Variants in LMNTD1 observed in about 807,000 individuals in gnomAD.
LMNTD1 encodes lamin tail domain-containing protein 1.
Under a neutral mutation model 50.9 loss-of-function variants are expected in LMNTD1, and 35 were observed. The ratio of observed to expected loss-of-function variants is 0.69; its 90% CI spans 0.53 to 0.91. The LOEUF (loss-of-function observed/expected upper bound fraction) is 0.91, where lower values mean the gene tolerates loss of function less well. Among genes scored for constraint, LMNTD1 ranks in the 40% least tolerant of loss-of-function variants. LMNTD1 has a pLI of 0.00. For missense variants in LMNTD1, 470 were observed against 475.5 expected, an observed-to-expected ratio of 0.99 and a Z score of 0.11; for synonymous variants, 153 against 161.9, an observed-to-expected ratio of 0.94 and a Z score of 0.42.
chr12:25,607,959 G>A (rs1946151694), intron 1 of LMNTD1, among the ~76,000 whole-genome samples: 2 of 152,166 alleles, frequency 1.3e-5, no homozygotes, highest in Admixed American at 6.5e-5. Flanking sequence ...TTATTATTGT[G>A]TGGGAGTCTA....
At chr12:25,603,945 T>C (rs1405203554) in intron 1 of LMNTD1, among the ~76,000 whole-genome samples, 4 of 134,888 alleles carry the variant, frequency 3.0e-5, no homozygotes, top group African/African-American at 5.0e-5. Context: ...CATACGAATA[T>C]TGGGGGGGAA....
Position 25,616,415 on chromosome 12 carries a change from A to G in LMNTD1, c.58+32079T>C, listed in dbSNP as rs1482619789. 2.0e-5 allele frequency among the ~76,000 whole-genome samples: 3 copies of G among 152,206 alleles called. No homozygotes were observed. In the East Asian group the frequency reaches 5.8e-4, roughly 29 times the overall value. On this transcript the variant is annotated intron_variant, in intron 1 of 7. Transcript: ENST00000445693. ...GATGAATCTCCAAAGAATTATGTTG[A>G]GTAAAAAAAGCCAATCCCTAAAGGT... is the stretch of plus-strand genomic sequence containing the variant.
intron 9 of LMNTD1, among the ~76,000 whole-genome samples, chr12:25,486,763 CAT>C (rs1938659455): frequency 6.7e-6 from 1 of 149,520 alleles, no homozygotes; most frequent in African/African-American, 2.5e-5. Flanking sequence ...TTGAGATAAT[CAT>C]GTGGTTTTTG....
rs774518513 is a variant in LMNTD1 at position 25,526,124 on chromosome 12, G to A, written c.773C>T (p.Thr258Ile). ...TTGACCGTTCGGTTTGCACAGGATTGTTATACAATCAGGACTTGCTCTAAA... is the reference window on the plus strand; with the variant it reads ...TTGACCGTTCGGTTTGCACAGGATTATTATACAATCAGGACTTGCTCTAAA... The part of the protein sequence containing the change: ...DKFRASPDCI[T>I]ILCKPNGQAI... Residue 258 changes from threonine to isoleucine, a missense_variant, in exon 6 of 10, where the codon ACA (threonine) becomes ATA (isoleucine). Coordinates refer to ENST00000458174, the MANE Select transcript of LMNTD1 (RefSeq NM_001145728.2). 6.2e-7 allele frequency: 1 copy of A among 1,606,226 alleles called. No individual in the cohort carries two copies. Among genetic ancestry groups the A allele is most frequent in the Non-Finnish European group, 8.5e-7 (1 of 1,176,032 alleles).
At chr12:25,562,483 G>T (rs145660509) in intron 1 of LMNTD1, among the ~76,000 whole-genome samples, 49 of 152,304 alleles carry the variant, frequency 3.2e-4, no homozygotes, top group Middle Eastern at 6.8e-3. Flanking sequence ...TTCTGGCTTG[G>T]AGAGTTTCTG....
At chr12:25,531,795 TATTC>T (rs1425366392) in intron 4 of LMNTD1, among the ~76,000 whole-genome samples, 1 of 152,190 alleles carries the variant, frequency 6.6e-6, no homozygotes, top group Non-Finnish European at 1.5e-5. Context: ...AATCTTGCCT[TATTC>T]GTCTCTTATA....
At chr12:25,647,912 T>C (rs954430392) in intron 1 of LMNTD1, among the ~76,000 whole-genome samples, 1 of 152,182 alleles carries the variant, frequency 6.6e-6, no homozygotes, top group African/African-American at 2.4e-5. Context: ...TTAGGACAAA[T>C]TATCTGAGGA....
At chr12:25,589,999 G>A (rs1158695483) in intron 1 of LMNTD1, among the ~76,000 whole-genome samples, 1 of 152,168 alleles carries the variant, frequency 6.6e-6, no homozygotes, top group African/African-American at 2.4e-5. Context: ...GACAGTGGAA[G>A]AGAAGTTTCC....
At chr12:25,524,408 C>T (rs1024554853) in intron 6 of LMNTD1, among the ~76,000 whole-genome samples, 3 of 152,150 alleles carry the variant, frequency 2.0e-5, no homozygotes, top group South Asian at 4.1e-4. Flanking sequence ...GTTACTTGTG[C>T]TTACATCACC....
At chr12:25,562,965 G>A (rs1377478046) in intron 1 of LMNTD1, among the ~76,000 whole-genome samples, 3 of 152,086 alleles carry the variant, frequency 2.0e-5, no homozygotes, top group Non-Finnish European at 4.4e-5. Context: ...CGTAGTTCTC[G>A]TGCCATGGTT....
At chr12:25,558,478 T>C (rs117680562) in intron 1 of LMNTD1, among the ~76,000 whole-genome samples, 5 of 152,242 alleles carry the variant, frequency 3.3e-5, no homozygotes. Flanking sequence ...TTTCCATTAT[T>C]TGTTTCAAGA....
At chr12:25,625,383 C>G (rs867300246) in intron 1 of LMNTD1, among the ~76,000 whole-genome samples, 1 of 152,084 alleles carries the variant, frequency 6.6e-6, no homozygotes, top group East Asian at 1.9e-4. Context: ...TAATAAAGAA[C>G]AGAACGAGCT....
At chr12:25,506,729 T>C (rs1347141278) in intron 8 of LMNTD1, among the ~76,000 whole-genome samples, 1 of 150,722 alleles carries the variant, frequency 6.6e-6, no homozygotes, top group Non-Finnish European at 1.5e-5. Flanking sequence ...CTAGATTCTA[T>C]CAAAAAATTG....
chr12:25,607,842 T>C (rs1001674446), intron 1 of LMNTD1, among the ~76,000 whole-genome samples: 3 of 152,232 alleles, frequency 2.0e-5, no homozygotes, highest in African/African-American at 7.2e-5. Context: ...TGTAGATGTC[T>C]ATTAGGTCCA....
At chr12:25,539,017 G>C (rs1449076486) in intron 4 of LMNTD1, among the ~76,000 whole-genome samples, 1 of 151,426 alleles carries the variant, frequency 6.6e-6, no homozygotes, top group Non-Finnish European at 1.5e-5. Context: ...TCAACAAGAA[G>C]AGCTAACTAT....
At chr12:25,543,398 G>A (rs964675688) in intron 4 of LMNTD1, among the ~76,000 whole-genome samples, 1 of 151,972 alleles carries the variant, frequency 6.6e-6, no homozygotes, top group Admixed American at 6.6e-5. Context: ...AATTCAAACA[G>A]TATAGTAAAA....
rs939741520 is a variant in LMNTD1 at position 25,571,394 on chromosome 12, C to T, written c.59-24840G>A. Among the ~76,000 whole-genome samples the T allele has an allele frequency of 7.6e-4, 115 of 150,812 alleles. 1 individual carries two copies. Among genetic ancestry groups the T allele is most frequent in the Non-Finnish European group, 2.5e-4 (17 of 67,862 alleles). ...TTATTTATTTTTTGAGACGGAGTCT[C>T]GCTCTGTCACCCAGGCTGGAGTGCA... is the stretch of plus-strand genomic sequence containing the variant. On this transcript the variant is annotated intron_variant, in intron 1 of 7. Transcript: ENST00000445693.
intron 4 of LMNTD1, among the ~76,000 whole-genome samples, chr12:25,539,667 A>G (rs1181982074): frequency 3.3e-5 from 5 of 151,292 alleles, no homozygotes; most frequent in African/African-American, 9.7e-5. Context: ...TGAAAGAACT[A>G]GAAAAGCAAG....
rs768262679 is a variant in LMNTD1, at chr12:25,519,995, T to C, written c.879A>G (p.Ser293=). ...LDADVEFNRC[S]VVSPTFRKRV... ...GCTTTCGGAATGTTGGAGATACTAC[T>C]GAACATCTGTTAAATTCAACGTCAG... Residue 293 remains serine, a synonymous_variant, in exon 7 of 10, where the codon TCA becomes TCG. Coordinates refer to ENST00000458174, the MANE Select transcript of LMNTD1 (RefSeq NM_001145728.2). The C allele has an allele frequency of 2.5e-6, 4 of 1,613,682 alleles. No homozygotes were observed. The highest frequency in any genetic ancestry group is 1.3e-5 in the African/African-American group (1 of 74,880).
Sources: allele counts gnomAD v4.1 joint callset (sites outside exome capture counted in the v4.1 genomes callset), GRCh38; gene constraint gnomAD v4.1.1; transcripts MANE v1.5; gene names NCBI Gene and HGNC (gene_info 2026-07-23, HGNC 2026-07-21).